GBE1: variants seen among roughly 807,000 people sequenced by gnomAD.
GBE1 encodes the protein 1,4-alpha-glucan-branching enzyme.
A neutral mutation model predicts 88.8 loss-of-function variants in GBE1; 70 were observed. The observed-to-expected ratio is 0.79, with a 90% CI of 0.65 to 0.96. The LOEUF (loss-of-function observed/expected upper bound fraction) is 0.96. Ranked by LOEUF, GBE1 falls within the 40% of genes least tolerant of loss-of-function variation. The pLI, the probability that GBE1 is intolerant of heterozygous loss-of-function variation, is 0.00. For synonymous variants in GBE1, 284 were observed against 300.1 expected, an observed-to-expected ratio of 0.95 and a Z score of 0.56; for missense variants, 872 against 871.0, an observed-to-expected ratio of 1.00 and a Z score of -0.01.
rs549384495 is a variant in GBE1 at position 81,608,772 on chromosome 3, T to C, written c.993-14749A>G. On this transcript the variant is annotated intron_variant, in intron 7 of 15. Coordinates refer to ENST00000429644, the MANE Select transcript of GBE1 (RefSeq NM_000158.4). ...GTCCAGTGCTTTATCCATATAATCA[T>C]ATTTAATTTTCTCACTACACTTTTG... 1.7e-4 allele frequency among the ~76,000 whole-genome samples: 26 copies of C among 152,336 alleles called. 1 individual carries two copies. Among genetic ancestry groups the C allele is most frequent in the Middle Eastern group, 3.4e-3 (1 of 294 alleles).
At chr3:81,671,961 G>A (rs184877667) in intron 2 of GBE1, among the ~76,000 whole-genome samples, 2 of 151,954 alleles carry the variant, frequency 1.3e-5, no homozygotes, top group Admixed American at 1.3e-4. Flanking sequence ...AAGTCAATGA[G>A]ACAAAGAAAA....
At chr3:81,699,872 C>A (rs1456842655) in intron 2 of GBE1, among the ~76,000 whole-genome samples, 3 of 152,196 alleles carry the variant, frequency 2.0e-5, no homozygotes, top group Admixed American at 6.5e-5. Context: ...CCATCACAAG[C>A]CTCCATAAAA....
chr3:81,548,956 G>A (rs1257910434), intron 12 of GBE1, among the ~76,000 whole-genome samples: 2 of 150,276 alleles, frequency 1.3e-5, no homozygotes, highest in African/African-American at 2.4e-5. Flanking sequence ...GTATACTCCT[G>A]TGAACAAAAT....
intron 2 of GBE1, among the ~76,000 whole-genome samples, chr3:81,683,613 G>A (rs959418331): frequency 1.3e-5 from 2 of 152,178 alleles, no homozygotes; most frequent in Admixed American, 1.3e-4. Context: ...CTTCAGAGGT[G>A]ATTACCAACT....
chr3:81,749,966 G>C (rs1259530177), intron 1 of GBE1, among the ~76,000 whole-genome samples: 1 of 152,108 alleles, frequency 6.6e-6, no homozygotes, highest in Admixed American at 6.5e-5. Context: ...TGTGAGTAGA[G>C]GTTTGCCTAA....
intron 7 of GBE1, among the ~76,000 whole-genome samples, chr3:81,619,078 C>A (rs1422786164): frequency 6.6e-6 from 1 of 152,058 alleles, no homozygotes; most frequent in African/African-American, 2.4e-5. Flanking sequence ...AATTTTCATT[C>A]ACTTATTTTT....
intron 12 of GBE1, among the ~76,000 whole-genome samples, chr3:81,570,663 G>T (rs1179556677): frequency 1.3e-5 from 2 of 152,196 alleles, no homozygotes; most frequent in African/African-American, 4.8e-5. Flanking sequence ...TGGGTGGAAA[G>T]GTAGGCAGTA....
At chr3:81,603,237 C>A (rs563514635) in intron 7 of GBE1, among the ~76,000 whole-genome samples, 2 of 151,904 alleles carry the variant, frequency 1.3e-5, no homozygotes, top group East Asian at 3.9e-4. Context: ...TATTTATATA[C>A]GATTTTGCAA....
chr3:81,689,682 A>G (rs1705490731), intron 2 of GBE1, among the ~76,000 whole-genome samples: 1 of 152,138 alleles, frequency 6.6e-6, no homozygotes, highest in Non-Finnish European at 1.5e-5. Flanking sequence ...ACCATTTTGA[A>G]CTAAGCCTCT....
At chr3:81,550,642 G>T (rs1372330782) in intron 12 of GBE1, among the ~76,000 whole-genome samples, 4 of 152,132 alleles carry the variant, frequency 2.6e-5, no homozygotes, top group African/African-American at 9.7e-5. Context: ...GATAAAACAG[G>T]ATGCAGGAAA....
intron 2 of GBE1, among the ~76,000 whole-genome samples, chr3:81,676,278 G>T (rs1323311093): frequency 1.3e-5 from 2 of 151,962 alleles, no homozygotes; most frequent in Non-Finnish European, 2.9e-5. Context: ...TAGTCTTGGA[G>T]CAACATTTAG....
At chr3:81,552,253 C>T (rs936921427) in intron 12 of GBE1, among the ~76,000 whole-genome samples, 3 of 152,180 alleles carry the variant, frequency 2.0e-5, no homozygotes, top group Admixed American at 6.5e-5. Flanking sequence ...CGTGGTGGCT[C>T]ACGCCTGTAA....
intron 1 of GBE1, among the ~76,000 whole-genome samples, chr3:81,741,561 C>A (rs1031834290): frequency 1.8e-4 from 28 of 151,650 alleles, no homozygotes; most frequent in African/African-American, 6.8e-4. Context: ...ATGAGTATCC[C>A]CAAAGAGAGG....
chr3:81,662,019 A>T lies in GBE1; in HGVS notation c.429+8819T>A, dbSNP rs1705038531. On this transcript the variant is annotated intron_variant, in intron 3 of 15. Coordinates refer to ENST00000429644, the MANE Select transcript of GBE1 (RefSeq NM_000158.4). ...CATTGCCTAATCTTCCTACTAATTT[A>T]TTCATTTTTTTAATTTTATTTATTT... Among the ~76,000 whole-genome samples, 2 of 152,046 alleles carry T rather than the reference A, an allele frequency of 1.3e-5. 1 individual carries two copies. The highest frequency in any genetic ancestry group is 4.1e-4 in the South Asian group (2 of 4,832).
chr3:81,570,380 T>C (rs1274082586), intron 12 of GBE1, among the ~76,000 whole-genome samples: 2 of 152,230 alleles, frequency 1.3e-5, no homozygotes, highest in African/African-American at 4.8e-5. Flanking sequence ...ATGATTGTTG[T>C]ACTAAAATTA....
chr3:81,668,420 C>T (rs1027987148), intron 3 of GBE1, among the ~76,000 whole-genome samples: 1 of 152,108 alleles, frequency 6.6e-6, no homozygotes, highest in Non-Finnish European at 1.5e-5. Flanking sequence ...TGGTACTGTT[C>T]AGGCAAAGCA....
At chr3:81,721,256 A>G (rs1440828389) in intron 1 of GBE1, among the ~76,000 whole-genome samples, 2 of 105,584 alleles carry the variant, frequency 1.9e-5, no homozygotes, top group Non-Finnish European at 3.8e-5. Flanking sequence ...AAAAAAAAAA[A>G]AGAAAGAAAA....
intron 2 of GBE1, among the ~76,000 whole-genome samples, chr3:81,695,160 C>T (rs1705573370): frequency 6.6e-6 from 1 of 152,222 alleles, no homozygotes; most frequent in Admixed American, 6.5e-5. Flanking sequence ...GCTCCCTCTT[C>T]TCAATTTCAC....
At chr3:81,720,590 G>A (rs1023654902) in intron 1 of GBE1, among the ~76,000 whole-genome samples, 1 of 151,928 alleles carries the variant, frequency 6.6e-6, no homozygotes, top group South Asian at 2.1e-4. Context: ...AAATGTTACT[G>A]AGCAACTCTA....
Sources: gnomAD v4.1 joint callset for allele counts (sites outside exome capture counted in the v4.1 genomes callset) on GRCh38, gnomAD v4.1.1 for gene constraint, MANE v1.5 for transcripts, NCBI Gene and HGNC (gene_info 2026-07-23, HGNC 2026-07-21) for gene names.